HUWE1: variants seen among roughly 807,000 people sequenced by gnomAD.
HUWE1 encodes E3 ubiquitin-protein ligase HUWE1.
A neutral mutation model predicts 299.4 loss-of-function variants in HUWE1; 18 were observed. That is an observed-to-expected ratio of 0.06 (90% CI 0.04 to 0.09). The LOEUF is 0.09. HUWE1 is among the 10% of genes least tolerant of loss of function. The pLI is 1.00. For synonymous variants in HUWE1, 1,317 were observed against 1,286.1 expected (o/e 1.02, Z -0.51); for missense variants, 1,832 against 3,462.3 (o/e 0.53, Z 11.82).
At chrX:53,579,323 T>G (rs1250335907) in intron 43 of HUWE1, among the ~76,000 whole-genome samples, 16 of 79,287 alleles carry the variant, frequency 2.0e-4, no homozygotes, top group African/African-American at 6.8e-4. Flanking sequence ...GGGAGGGTGG[T>G]GGGGGGGTCA....
At position 53,648,081 on chromosome X, in the gene HUWE1, T is replaced by C; in HGVS notation, c.144+131A>G. 9.5e-6 allele frequency: 5 copies of C among 524,009 alleles called. No homozygotes were observed. In the South Asian group the frequency reaches 1.2e-4, roughly 13 times the overall value. The allele number at this position is 524,009 out of a possible 1,213,427, so 43.2% of individuals were successfully genotyped here. A position where few individuals can be genotyped will look rare whatever the true frequency, so the allele number is the denominator to read the frequency against. ...CTGGTTTAAAGCTGTGTTAGGCACA[T>C]GGCACATGCTAGATGCTTATTAATT... is the stretch of plus-strand genomic sequence containing the variant. On this transcript the variant is annotated intron_variant, in intron 5 of 83. Transcript: ENST00000262854.
At position 53,593,610 on chromosome X, in the gene HUWE1, A is replaced by G; in HGVS notation, c.3504-9T>C. On this transcript the variant is annotated splice_polypyrimidine_tract_variant and intron_variant, in intron 31 of 83. Coordinates refer to ENST00000262854, the MANE Select transcript of HUWE1 (RefSeq NM_031407.7). The stretch of plus-strand genomic sequence containing the variant: ...GAGCCCAGTTGAAAGTTCTAAATTC[A>G]AATAAGGAAAAGTAGACAGAATATT... 2 of 1,155,517 alleles carry G rather than the reference A, an allele frequency of 1.7e-6. No homozygotes were observed. The highest frequency in any genetic ancestry group is 3.5e-5 in the African/African-American group (2 of 56,834).
In HUWE1 at chrX:53,583,798, C is replaced by T. The variant is rs782656897; in HGVS notation, c.5280G>A (p.Arg1760=). The change falls in exon 42 of 84, where the codon CGG becomes CGA. Residue 1760 remains arginine (R), a synonymous_variant. Coordinates refer to ENST00000262854, the MANE Select transcript of HUWE1 (RefSeq NM_031407.7). ...LTEDMVTVLI[R]ACVSMLGVPV... Reference sequence around the variant, plus strand: ...GGACTCCCAGCATGCTCACGCAGGCCCGGATTAAAACAGTCACCATATCTT... The same window carrying T: ...GGACTCCCAGCATGCTCACGCAGGCTCGGATTAAAACAGTCACCATATCTT... 2 of 1,208,866 alleles carry T rather than the reference C, an allele frequency of 1.7e-6. No homozygotes were observed. Among genetic ancestry groups the T allele is most frequent in the South Asian group, 3.5e-5 (2 of 56,509 alleles).
chrX:53,580,672 A>G (rs1439720108), intron 43 of HUWE1, among the ~76,000 whole-genome samples, 159 bp downstream of exon 43: 1 of 112,439 alleles, frequency 8.9e-6, no homozygotes, highest in Non-Finnish European at 1.9e-5. Flanking sequence ...AAGCTACTGA[A>G]GTACCTAATA....
intron 80 of HUWE1, among the ~76,000 whole-genome samples, chrX:53,535,764 G>A (rs1556912124): frequency 1.8e-5 from 2 of 111,405 alleles, no homozygotes; most frequent in Non-Finnish European, 3.8e-5. Context: ...AGTGGTAAAA[G>A]GGAAAAGGGA....
intron 29 of HUWE1, 50 bp from the exon 30 acceptor site, chrX:53,595,453 T>A (rs2064404977): frequency 1.1e-5 from 11 of 961,330 alleles, no homozygotes; most frequent in Non-Finnish European, 1.6e-5. Flanking sequence ...CAGAATGGTT[T>A]AATTACAACA....
At chrX:53,616,789 A>G (rs1557007780) in intron 21 of HUWE1, among the ~76,000 whole-genome samples, 181 bp downstream of exon 21, 1 of 111,994 alleles carries the variant, frequency 8.9e-6, no homozygotes, top group African/African-American at 3.2e-5. Context: ...GTTGAGAAGC[A>G]TGGAAATATT....
At chrX:53,542,824 T>C (rs781964883) in intron 73 of HUWE1, 2 of 335,620 alleles carry the variant, frequency 6.0e-6, no homozygotes, top group East Asian at 5.8e-5. Context: ...CTCCTGTATA[T>C]AGACTTCAAG....
chrX:53,637,910 T>C (rs2067318383), intron 7 of HUWE1, among the ~76,000 whole-genome samples: 1 of 111,738 alleles, frequency 8.9e-6, no homozygotes, highest in African/African-American at 3.2e-5. Context: ...ACATATTAAA[T>C]GTTAAGATTC....
At chrX:53,684,345 A>G (rs782624679) in intron 2 of HUWE1, among the ~76,000 whole-genome samples, 17 of 112,404 alleles carry the variant, frequency 1.5e-4, no homozygotes, top group Non-Finnish European at 2.8e-4. Flanking sequence ...GCGGAGCTTC[A>G]TGAAAATGAC....
At chrX:53,658,446 A>T (rs1229530415) in intron 3 of HUWE1, among the ~76,000 whole-genome samples, 1 of 111,800 alleles carries the variant, frequency 8.9e-6, no homozygotes, top group African/African-American at 3.3e-5. Context: ...GAAGACCTAC[A>T]TTACCCAAAA....
chrX:53,656,281 C>A (rs2068740243), intron 3 of HUWE1, among the ~76,000 whole-genome samples: 1 of 110,001 alleles, frequency 9.1e-6, no homozygotes, highest in Admixed American at 9.6e-5. Context: ...GAGGCTGAGG[C>A]AGAAGAATTG....
At chrX:53,591,308 G>A (rs899226232) in intron 33 of HUWE1, among the ~76,000 whole-genome samples, 186 bp from the exon 34 acceptor site, 4 of 111,975 alleles carry the variant, frequency 3.6e-5, no homozygotes, top group Admixed American at 9.4e-5. Context: ...AGCATTCTAA[G>A]CTACACATTG....
In HUWE1 at chrX:53,573,978, T is replaced by C. The variant is rs2062962885; in HGVS notation, c.6098-14A>G. ...CTGGAGTTGAAGCTGTTGAGAAAAG[T>C]CAAACACTGGTTCAATTCCACACTG... On this transcript the variant is annotated splice_polypyrimidine_tract_variant and intron_variant, in intron 46 of 83. Coordinates refer to ENST00000262854, the MANE Select transcript of HUWE1 (RefSeq NM_031407.7). 1.4e-5 allele frequency: 17 copies of C among 1,173,472 alleles called. No individual in the cohort carries two copies. Among genetic ancestry groups the C allele is most frequent in the Non-Finnish European group, 1.9e-5 (16 of 861,521 alleles).
chrX:53,631,887 A>G (rs1346347496), intron 9 of HUWE1: 8 of 376,726 alleles, frequency 2.1e-5, no homozygotes, highest in Non-Finnish European at 3.2e-5. Flanking sequence ...TCCTTTTTTA[A>G]CCCTCCACTG....
At chrX:53,677,295 G>C (rs1603276227) in intron 3 of HUWE1, among the ~76,000 whole-genome samples, 1 of 110,574 alleles carries the variant, frequency 9.0e-6, no homozygotes, top group African/African-American at 3.3e-5. Context: ...AGGTGATTCT[G>C]ATGTTCCCTA....
chrX:53,535,530 T>C lies in HUWE1; in HGVS notation c.12532-29A>G, dbSNP rs377274067. ...GAACAACCAAAACACCAATCATACA[T>C]ATCAGACTTCATCTAGGATGGGATT... On this transcript the variant is annotated intron_variant, in intron 80 of 83. Transcript: ENST00000262854. 38 of 960,874 alleles carry C rather than the reference T, an allele frequency of 4.0e-5. No homozygotes were observed. In the African/African-American group the frequency reaches 6.7e-4, roughly 17 times the overall value. 79.2% of individuals were successfully genotyped at this position (960,874 alleles called of 1,213,427 possible).
rs782730597 is a variant in HUWE1, at chrX:53,534,252, G to A, written c.12832-55C>T. 48 of 1,037,482 alleles carry A rather than the reference G, an allele frequency of 4.6e-5. No individual in the cohort carries two copies. The African/African-American group carries it at 7.8e-4, about 17-fold the overall frequency. 85.5% of individuals were successfully genotyped at this position (1,037,482 alleles called of 1,213,427 possible). The stretch of plus-strand genomic sequence containing the variant: ...TAGGTAGAAAGCTCCTAGAAGCAGG[G>A]TGGGGGGGATGGAATCTAGGAAACA... On this transcript the variant is annotated intron_variant, in intron 82 of 83. Transcript: ENST00000262854.
intron 36 of HUWE1, among the ~76,000 whole-genome samples, chrX:53,589,202 A>G (rs1243111537): frequency 1.8e-5 from 2 of 112,312 alleles, no homozygotes; most frequent in Non-Finnish European, 3.8e-5. Context: ...GGTCACAAGT[A>G]TTCATCAGGA....
Sources: gnomAD v4.1 joint callset for allele counts (sites outside exome capture counted in the v4.1 genomes callset) on GRCh38, gnomAD v4.1.1 for gene constraint, MANE v1.5 for transcripts, NCBI Gene and HGNC (gene_info 2026-07-23, HGNC 2026-07-21) for gene names.